The following PARD3B variants were observed in gnomAD, a reference collection of about 807,000 sequenced individuals.
PARD3B encodes the protein partitioning defective 3 homolog B.
In PARD3B, 103 loss-of-function variants were observed where a neutral mutation model predicts 130.2. The observed-to-expected ratio is 0.79, with a 90% CI of 0.67 to 0.93. The LOEUF (loss-of-function observed/expected upper bound fraction) is 0.93. Ranked by LOEUF, PARD3B falls within the 40% of genes least tolerant of loss-of-function variation. PARD3B has a pLI of 0.00. For synonymous variants in PARD3B, 583 were observed against 553.2 expected (o/e 1.05, Z -0.76); for missense variants, 1,609 against 1,499.2 (o/e 1.07, Z -1.21).
At chr2:205,500,702 G>A (rs2050127619) in intron 21 of PARD3B, among the ~76,000 whole-genome samples, 1 of 152,210 alleles carries the variant, frequency 6.6e-6, no homozygotes, top group East Asian at 1.9e-4. Flanking sequence ...TGCCCAGGAA[G>A]AGGATGCTTA....
intron 10 of PARD3B, among the ~76,000 whole-genome samples, chr2:205,156,890 T>G (rs2034206249): frequency 6.6e-6 from 1 of 152,180 alleles, no homozygotes; most frequent in African/African-American, 2.4e-5. Flanking sequence ...ACCACTTAAA[T>G]AATAAATGAT....
In PARD3B at chr2:204,862,233, G is replaced by A. The variant is rs546834941; in HGVS notation, c.223-102919G>A. On this transcript the variant is annotated intron_variant, in intron 2 of 22. Transcript: ENST00000406610. The stretch of plus-strand genomic sequence containing the variant: ...TGAAGCTGGTCTTGCTGGAAGTGCA[G>A]TGGAAACCTCTGGGTCACACAAGCC... Among the ~76,000 whole-genome samples, 25 of 152,264 alleles carry A rather than the reference G, an allele frequency of 1.6e-4. No homozygotes were observed. In the South Asian group the frequency reaches 5.0e-3, roughly 30 times the overall value.
At chr2:204,827,818 G>A (rs2043644084) in intron 2 of PARD3B, among the ~76,000 whole-genome samples, 9 of 152,302 alleles carry the variant, frequency 5.9e-5, no homozygotes, top group Admixed American at 3.3e-4. Flanking sequence ...TGCTATCTTC[G>A]TTCCCTGGAG....
intron 2 of PARD3B, among the ~76,000 whole-genome samples, chr2:204,795,887 G>A (rs557494365): frequency 2.0e-5 from 3 of 152,210 alleles, no homozygotes; most frequent in African/African-American, 7.2e-5. Context: ...GAAAGATTGT[G>A]TATAACATAT....
chr2:205,593,829 G>A (rs781321557), intron 22 of PARD3B, among the ~76,000 whole-genome samples: 5 of 152,168 alleles, frequency 3.3e-5, no homozygotes, highest in African/African-American at 1.2e-4. Flanking sequence ...CAGAAATCCC[G>A]TTAGGCAGAG....
intron 2 of PARD3B, among the ~76,000 whole-genome samples, chr2:204,869,074 T>G (rs2045534218): frequency 6.6e-6 from 1 of 152,238 alleles, no homozygotes. Flanking sequence ...GATGTATTTT[T>G]TCCTTTTAAA....
intron 15 of PARD3B, among the ~76,000 whole-genome samples, chr2:205,193,854 G>T (rs1458943270): frequency 6.6e-6 from 1 of 152,222 alleles, no homozygotes; most frequent in Non-Finnish European, 1.5e-5. Context: ...GGGGAAAAGG[G>T]TCTCTTGGGC....
intron 3 of PARD3B, among the ~76,000 whole-genome samples, chr2:204,990,106 C>T (rs190635360): frequency 1.4e-4 from 21 of 152,072 alleles, no homozygotes; most frequent in African/African-American, 2.2e-4. Context: ...TTTAAATTTT[C>T]GCCAATTTTA....
chr2:204,599,340 T>C (rs968329246), intron 1 of PARD3B, among the ~76,000 whole-genome samples: 3 of 151,916 alleles, frequency 2.0e-5, no homozygotes, highest in African/African-American at 7.2e-5. Context: ...CTACCTCTTT[T>C]CCCCCTACCT....
chr2:205,026,267 G>A (rs1160000869), intron 3 of PARD3B, among the ~76,000 whole-genome samples: 1 of 152,182 alleles, frequency 6.6e-6, no homozygotes, highest in Non-Finnish European at 1.5e-5. Context: ...CAGTCTGGGT[G>A]AATTTGGAAA....
At chr2:205,058,909 G>A (rs1334109742) in intron 4 of PARD3B, among the ~76,000 whole-genome samples, 2 of 149,682 alleles carry the variant, frequency 1.3e-5, no homozygotes, top group Non-Finnish European at 3.0e-5. Flanking sequence ...ACTCTATTGT[G>A]TCCTTTGTGC....
Position 205,463,880 on chromosome 2 carries a change from G to A in PARD3B, c.3044+23208G>A, listed in dbSNP as rs1016126616. ...GGGACTTTGCTTTGGAGTAAAAGCAGCCGAGTAGGAAAATGGACTAGAAAA... is the reference window on the plus strand; with the variant it reads ...GGGACTTTGCTTTGGAGTAAAAGCAACCGAGTAGGAAAATGGACTAGAAAA... On this transcript the variant is annotated intron_variant, in intron 20 of 22. Transcript: ENST00000406610. The surrounding 1 kb of genome is among the most constrained non-coding windows in gnomAD (Gnocchi z 4.8). 6.6e-6 allele frequency among the ~76,000 whole-genome samples: 1 copy of A among 152,132 alleles called. No individual in the cohort carries two copies. Among genetic ancestry groups the A allele is most frequent in the African/African-American group, 2.4e-5 (1 of 41,436 alleles).
At chr2:204,605,598 A>G (rs182457837) in intron 1 of PARD3B, among the ~76,000 whole-genome samples, 176 of 152,250 alleles carry the variant, frequency 1.2e-3, no homozygotes, top group Middle Eastern at 6.8e-3. Context: ...CTGTGATGGA[A>G]GTATAGTGTA....
intron 16 of PARD3B, among the ~76,000 whole-genome samples, chr2:205,262,643 G>T (rs970036446): frequency 6.6e-6 from 1 of 152,024 alleles, no homozygotes; most frequent in African/African-American, 2.4e-5. Context: ...AAAAGACAAC[G>T]ATTTTCTTGT....
chr2:204,967,024 T>A lies in PARD3B; in HGVS notation c.394+1701T>A, dbSNP rs551783663. On this transcript the variant is annotated intron_variant, in intron 3 of 22. Coordinates refer to ENST00000406610, the MANE Select transcript of PARD3B (RefSeq NM_001302769.2). This position sits in a 1 kb window ranked among gnomAD's most constrained non-coding sequence, Gnocchi z 4.4. ...CCAGAATTTGAACTGTTGCTGGCTG[T>A]GGTGTGAGAAACCATTTTGCTGTGC... Among the ~76,000 whole-genome samples, 1 of 152,220 alleles carries A rather than the reference T, an allele frequency of 6.6e-6. No individual in the cohort carries two copies. The highest frequency in any genetic ancestry group is 1.5e-5 in the Non-Finnish European group (1 of 68,028).
chr2:205,371,464 T>G lies in PARD3B; in HGVS notation c.2631-29549T>G, dbSNP rs148049911. 2.5e-3 allele frequency among the ~76,000 whole-genome samples: 375 copies of G among 152,298 alleles called. 5 individuals are homozygous for G. In the East Asian group the frequency reaches 0.046, roughly 19 times the overall value. ...CTTGTGACTGTGATATTGTCCTGAA[T>G]GTTTGTGTTTATTGACTGGCCACTG... On this transcript the variant is annotated intron_variant, in intron 18 of 22. Coordinates refer to ENST00000406610, the MANE Select transcript of PARD3B (RefSeq NM_001302769.2).
intron 2 of PARD3B, among the ~76,000 whole-genome samples, chr2:204,695,935 G>T (rs2037588457): frequency 6.6e-6 from 1 of 152,000 alleles, no homozygotes; most frequent in Non-Finnish European, 1.5e-5. Flanking sequence ...AAGTGAATGT[G>T]GGTGGTAAGA....
At chr2:205,090,704 C>T (rs1034938957) in intron 4 of PARD3B, among the ~76,000 whole-genome samples, 2 of 152,198 alleles carry the variant, frequency 1.3e-5, no homozygotes, top group Non-Finnish European at 2.9e-5. Flanking sequence ...ACTTTGTAAG[C>T]TAGAAGCCAG....
chr2:204,730,030 C>CACAT (rs1370681440), intron 2 of PARD3B, among the ~76,000 whole-genome samples: 3 of 150,704 alleles, frequency 2.0e-5, no homozygotes, highest in East Asian at 1.9e-4. Flanking sequence ...CACACACACA[C>CACAT]ACACAGTGAC....
Sources: allele counts gnomAD v4.1 joint callset (sites outside exome capture counted in the v4.1 genomes callset), GRCh38; gene constraint gnomAD v4.1.1; non-coding constraint Gnocchi (gnomAD v3.1); transcripts MANE v1.5; gene names NCBI Gene and HGNC (gene_info 2026-07-23, HGNC 2026-07-21).